Variants in TECR observed in about 807,000 individuals in gnomAD.
TECR encodes very-long-chain enoyl-CoA reductase.
In TECR, 19 loss-of-function variants were observed where a neutral mutation model predicts 50.6. The observed-to-expected ratio is 0.38, with a 90% CI of 0.26 to 0.55. The LOEUF is 0.55. Among genes scored for constraint, TECR ranks in the 20% least tolerant of loss-of-function variants. The pLI is 0.79. For synonymous variants in TECR, 168 were observed against 163.5 expected (o/e 1.03, Z -0.21); for missense variants, 313 against 408.3 (o/e 0.77, Z 2.01).
intron 1 of TECR, among the ~76,000 whole-genome samples, chr19:14,537,946 A>G (rs1322753855): frequency 2.0e-5 from 3 of 152,010 alleles, no homozygotes; most frequent in African/African-American, 4.8e-5. Context: ...GGGTTTCACC[A>G]TGTTGGCCAG....
At chr19:14,565,708 C>T (rs777309591) in intron 12 of TECR, 36 bp from the exon 13 acceptor site, 17 of 1,612,016 alleles carry the variant, frequency 1.1e-5, no homozygotes, top group Non-Finnish European at 1.4e-5. Flanking sequence ...CCCTCCGGGC[C>T]GGCAGCCCCT....
At position 14,563,135 on chromosome 19, in the gene TECR, C is replaced by T. The variant is rs765696958; in HGVS notation, c.67-71C>T. 12 of 1,610,940 alleles carry T rather than the reference C, an allele frequency of 7.4e-6. No individual in the cohort carries two copies. The African/African-American group carries it at 1.2e-4, about 16-fold the overall frequency. ...AGCCCAACCCCCAGCCTGCCATCCCCTTTAGTACCTCCCCATCCTGAGTCT... is the reference window on the plus strand; with the variant it reads ...AGCCCAACCCCCAGCCTGCCATCCCTTTTAGTACCTCCCCATCCTGAGTCT... On this transcript the variant is annotated intron_variant, in intron 2 of 12. Transcript: ENST00000215567. The surrounding 1 kb of genome is among the most constrained non-coding windows in gnomAD (Gnocchi z 5.3).
At chr19:14,535,764 A>AAAAAG (rs2072877291) in intron 1 of TECR, among the ~76,000 whole-genome samples, 1 of 144,336 alleles carries the variant, frequency 6.9e-6, no homozygotes, top group Non-Finnish European at 1.5e-5. Context: ...CTCAAAAAAA[A>AAAAAG]AAAAAAAAAA....
intron 1 of TECR, among the ~76,000 whole-genome samples, chr19:14,533,670 G>C (rs2072756917): frequency 1.3e-5 from 2 of 151,252 alleles, no homozygotes; most frequent in Admixed American, 1.3e-4. Flanking sequence ...ATCGGTGGCT[G>C]TTTCCATAGT....
chr19:14,540,920 C>T (rs887309177), intron 1 of TECR, among the ~76,000 whole-genome samples: 2 of 151,980 alleles, frequency 1.3e-5, no homozygotes, highest in Admixed American at 6.6e-5. Context: ...CTGCAACTTC[C>T]GCTTTCCGGT....
intron 1 of TECR, among the ~76,000 whole-genome samples, chr19:14,537,619 C>A (rs1218515348): frequency 6.6e-6 from 1 of 152,180 alleles, no homozygotes; most frequent in African/African-American, 2.4e-5. Context: ...TGGGTCTTAA[C>A]ACCTTCTTGC....
Position 14,563,061 on chromosome 19 carries a change from A to C in TECR, c.67-145A>C, listed in dbSNP as rs1215710813. The C allele has an allele frequency of 3.9e-6, 4 of 1,014,628 alleles. No individual in the cohort carries two copies. The Admixed American group carries it at 6.4e-5, about 16-fold the overall frequency. The allele number at this position is 1,014,628 out of a possible 1,614,324, so 62.9% of individuals were successfully genotyped here. A position where few individuals can be genotyped will look rare whatever the true frequency, so the allele number is the denominator to read the frequency against. On this transcript the variant is annotated intron_variant, in intron 2 of 12. Coordinates refer to ENST00000215567, the MANE Select transcript of TECR (RefSeq NM_138501.6). The surrounding 1 kb of genome is among the most constrained non-coding windows in gnomAD (Gnocchi z 5.3). ...CAGGGCCCTCGGTGGTCCTTCCCTG[A>C]CTGCAGGCAGAGGCCTGGACCCCAG...
chr19:14,562,705 C>T (rs901291986), intron 2 of TECR, 130 bp downstream of exon 2: 1 of 1,063,260 alleles, frequency 9.4e-7, no homozygotes, highest in African/African-American at 1.6e-5. Flanking sequence ...TATGCCCTCA[C>T]TTGGGGTAGG....
intron 7 of TECR, 73 bp from the exon 8 acceptor site, chr19:14,564,713 G>C (rs941592379): frequency 6.9e-7 from 1 of 1,443,072 alleles, no homozygotes; most frequent in African/African-American, 1.5e-5. Context: ...CAGGCCCCTC[G>C]GGATGAGACA....
Position 14,563,698 on chromosome 19 carries a change from C to T in TECR, c.159C>T (p.Asp53=). Residue 53 remains aspartate (D), a synonymous_variant, in exon 4 of 13, where the codon GAC becomes GAT. Transcript: ENST00000215567. The surrounding 1 kb of genome is among the most constrained non-coding windows in gnomAD (Gnocchi z 5.3). Reference sequence around the variant, plus strand: ...CCGCCCGCCAGTCCCTCCGCCTGGACCCCAGTGAGTACAGCTGTCCACTCG... The same window carrying T: ...CCGCCCGCCAGTCCCTCCGCCTGGATCCCAGTGAGTACAGCTGTCCACTCG... ...WYPARQSLRL[D]PKGKSLKDED... is the part of the protein sequence containing the mutation. 1 of 1,613,178 alleles carries T rather than the reference C, an allele frequency of 6.2e-7. No individual in the cohort carries two copies. Among genetic ancestry groups the T allele is most frequent in the Non-Finnish European group, 8.5e-7 (1 of 1,179,906 alleles).
At chr19:14,542,581 C>T (rs1011673471) in intron 1 of TECR, among the ~76,000 whole-genome samples, 4 of 142,296 alleles carry the variant, frequency 2.8e-5, no homozygotes, top group Non-Finnish European at 6.2e-5. Context: ...AGGGTGGTCT[C>T]GAACTCCTGA....
At chr19:14,554,505 G>A (rs139350264) in intron 1 of TECR, among the ~76,000 whole-genome samples, 1 of 152,292 alleles carries the variant, frequency 6.6e-6, no homozygotes, top group Non-Finnish European at 1.5e-5. Context: ...TTTACAGCCG[G>A]GAGAGGACTG....
chr19:14,564,867 C>T lies in TECR; in HGVS notation c.562+9C>T, dbSNP rs754560753. Reference sequence around the variant, plus strand: ...TCTCTACACTCCCCCTAGTAAGTGGCCTCAGACCATCCTTCCCTCCCCCAC... The same window carrying T: ...TCTCTACACTCCCCCTAGTAAGTGGTCTCAGACCATCCTTCCCTCCCCCAC... On this transcript the variant is annotated intron_variant, in intron 8 of 12. Transcript: ENST00000215567. 1.2e-6 allele frequency: 2 copies of T among 1,614,028 alleles called. No individual in the cohort carries two copies. Among genetic ancestry groups the T allele is most frequent in the Non-Finnish European group, 1.7e-6 (2 of 1,180,022 alleles).
chr19:14,540,589 A>G (rs961787987), intron 1 of TECR, among the ~76,000 whole-genome samples: 1 of 150,924 alleles, frequency 6.6e-6, no homozygotes, highest in Non-Finnish European at 1.5e-5. Flanking sequence ...ACAGGGTTTC[A>G]TTGTGTTGGC....
Position 14,563,884 on chromosome 19 carries a change from C to T in TECR, c.248C>T (p.Ala83Val). ...TATLYFRDLGAQISWVTVFLT... is the reference protein window; with the variant it reads ...TATLYFRDLGVQISWVTVFLT... ...ACACTGTACTTCCGGGACCTGGGGG[C>T]CCAGATCAGCTGGGTGACGGTGAGT... Residue 83 changes from alanine to valine, a missense_variant, in exon 5 of 13, where the codon GCC (alanine) becomes GTC (valine). By Grantham distance (64) the Ala-to-Val change is moderately conservative. Coordinates refer to ENST00000215567, the MANE Select transcript of TECR (RefSeq NM_138501.6). This position sits in a 1 kb window ranked among gnomAD's most constrained non-coding sequence, Gnocchi z 5.3. 1 of 1,614,016 alleles carries T rather than the reference C, an allele frequency of 6.2e-7. No homozygotes were observed. The highest frequency in any genetic ancestry group is 8.5e-7 in the Non-Finnish European group (1 of 1,179,940).
chr19:14,536,194 G>T (rs1441842351), intron 1 of TECR, among the ~76,000 whole-genome samples: 1 of 151,978 alleles, frequency 6.6e-6, no homozygotes, highest in Non-Finnish European at 1.5e-5. Context: ...TTGGATCAGT[G>T]CTAGGCTCAT....
intron 1 of TECR, among the ~76,000 whole-genome samples, chr19:14,547,859 G>A (rs2073357677): frequency 1.3e-5 from 2 of 150,696 alleles, no homozygotes; most frequent in South Asian, 4.2e-4. Flanking sequence ...ATGGGGTCTT[G>A]CGATGTTGCC....
upstream of TECR, chr19:14,529,504 C>T: frequency 1.3e-6 from 1 of 749,696 alleles, no homozygotes; most frequent in South Asian, 1.5e-5. Context: ...GGACCGGCCC[C>T]AAGGAGCAGG....
chr19:14,529,775 G>T, intron 1 of TECR, 64 bp downstream of exon 1: 8 of 1,609,962 alleles, frequency 5.0e-6, no homozygotes, highest in African/African-American at 1.3e-5. Context: ...TTCTTTGCGG[G>T]ACCACGGGAC....
Sources: gnomAD v4.1 joint callset for allele counts (sites outside exome capture counted in the v4.1 genomes callset) on GRCh38, gnomAD v4.1.1 for gene constraint, Gnocchi (gnomAD v3.1) non-coding constraint, MANE v1.5 for transcripts, NCBI Gene and HGNC (gene_info 2026-07-23, HGNC 2026-07-21) for gene names.